Variants in MAF observed in about 807,000 individuals in gnomAD.
MAF encodes MAF bZIP transcription factor.
In MAF, 10 loss-of-function variants were observed where a neutral mutation model predicts 22.0. The observed-to-expected ratio is 0.45, with a 90% CI of 0.28 to 0.77. The LOEUF (loss-of-function observed/expected upper bound fraction) is 0.77, where lower values mean the gene tolerates loss of function less well. Among genes scored for constraint, MAF ranks in the 30% least tolerant of loss-of-function variants. The pLI, the probability that MAF is intolerant of heterozygous loss-of-function variation, is 0.12. For missense variants in MAF, 544 were observed against 548.4 expected, an observed-to-expected ratio of 0.99 and a Z score of 0.08; for synonymous variants, 337 against 255.8, an observed-to-expected ratio of 1.32 and a Z score of -3.03.
chr16:79,212,243 G>C, the MAF span: 3 of 1,339,436 alleles, frequency 2.2e-6, no homozygotes, highest in Non-Finnish European at 3.0e-6. Context: ...TTGCTGCATT[G>C]ATCCAGGAGA....
chr16:79,218,314 G>A, the MAF span, among the ~76,000 whole-genome samples: 1 of 150,426 alleles, frequency 6.6e-6, no homozygotes, highest in African/African-American at 2.5e-5. Flanking sequence ...ATAGGTGATG[G>A]GCCATTATTT....
chr16:79,221,021 G>A, the MAF span, among the ~76,000 whole-genome samples: 13 of 152,306 alleles, frequency 8.5e-5, no homozygotes, highest in East Asian at 1.3e-3. Flanking sequence ...GGCTGAATGC[G>A]GAAAGCAGAA....
At chr16:79,299,256 G>A in the MAF span, among the ~76,000 whole-genome samples, 1 of 151,524 alleles carries the variant, frequency 6.6e-6, no homozygotes, top group East Asian at 1.9e-4. Context: ...CAGGATCCCA[G>A]GAACGCCTAG....
chr16:79,267,764 T>G, the MAF span, among the ~76,000 whole-genome samples: 1 of 152,006 alleles, frequency 6.6e-6, no homozygotes, highest in African/African-American at 2.4e-5. Flanking sequence ...ACACAAAGAG[T>G]GCAGCGTACA....
chr16:79,448,236 C>T, the MAF span, among the ~76,000 whole-genome samples: 3 of 152,078 alleles, frequency 2.0e-5, no homozygotes, highest in Non-Finnish European at 4.4e-5. Flanking sequence ...ACTTCATTGT[C>T]GTCCTATTGT....
At chr16:79,239,092 A>G in the MAF span, among the ~76,000 whole-genome samples, 3 of 152,008 alleles carry the variant, frequency 2.0e-5, no homozygotes, top group African/African-American at 7.2e-5. Flanking sequence ...CTGGCCAAGG[A>G]TTTGTCCATA....
chr16:79,286,326 T>A, the MAF span, among the ~76,000 whole-genome samples: 1 of 152,194 alleles, frequency 6.6e-6, no homozygotes, highest in Admixed American at 6.5e-5. Flanking sequence ...ACAGAAACTA[T>A]GGAACCTTCT....
chr16:79,438,037 C>G, the MAF span, among the ~76,000 whole-genome samples: 1 of 152,114 alleles, frequency 6.6e-6, no homozygotes, highest in Non-Finnish European at 1.5e-5. Context: ...GGCTGGAATG[C>G]CATCCCTTGG....
At chr16:79,389,668 C>G in the MAF span, among the ~76,000 whole-genome samples, 120 of 152,156 alleles carry the variant, frequency 7.9e-4, no homozygotes, top group East Asian at 0.021. Flanking sequence ...ACTTGTCTGT[C>G]ATGTTTGCCA....
chr16:79,394,114 G>C, the MAF span, among the ~76,000 whole-genome samples: 1 of 152,272 alleles, frequency 6.6e-6, no homozygotes, highest in South Asian at 2.1e-4. Flanking sequence ...GTTGCCCATG[G>C]AGTTCTCAGC....
the MAF span, among the ~76,000 whole-genome samples, chr16:79,256,721 T>G: frequency 6.6e-6 from 1 of 152,172 alleles, no homozygotes; most frequent in Non-Finnish European, 1.5e-5. Flanking sequence ...GGCACTCAAT[T>G]GGTACAACTG....
chr16:79,444,207 A>G, the MAF span, among the ~76,000 whole-genome samples: 1 of 152,114 alleles, frequency 6.6e-6, no homozygotes, highest in Admixed American at 6.5e-5. Flanking sequence ...CACACACACA[A>G]ATACAAATAC....
At chr16:79,424,269 A>G in the MAF span, among the ~76,000 whole-genome samples, 1 of 152,228 alleles carries the variant, frequency 6.6e-6, no homozygotes, top group Non-Finnish European at 1.5e-5. Flanking sequence ...TCATGCATTT[A>G]AAAGTTACCA....
chr16:79,503,591 G>C, the MAF span, among the ~76,000 whole-genome samples: 2 of 152,174 alleles, frequency 1.3e-5, no homozygotes, highest in Admixed American at 6.5e-5. Context: ...ATTGTGGCTG[G>C]ATTCTCTGAC....
chr16:79,298,614 C>G, the MAF span, among the ~76,000 whole-genome samples: 1 of 152,180 alleles, frequency 6.6e-6, no homozygotes, highest in Non-Finnish European at 1.5e-5. Context: ...GGGCACTAAA[C>G]AGAAGCCAGC....
chr16:79,558,204 G>T, the MAF span, among the ~76,000 whole-genome samples: 1 of 152,110 alleles, frequency 6.6e-6, no homozygotes, highest in Non-Finnish European at 1.5e-5. Flanking sequence ...GGAAACAGCC[G>T]GAAAGAGTGT....
the MAF span, among the ~76,000 whole-genome samples, chr16:79,551,118 G>A: frequency 6.6e-6 from 1 of 152,054 alleles, no homozygotes; most frequent in African/African-American, 2.4e-5. Flanking sequence ...CTTCCTTGAG[G>A]AACTACTGTA....
the MAF span, among the ~76,000 whole-genome samples, chr16:79,237,859 G>A: frequency 6.6e-6 from 1 of 152,112 alleles, no homozygotes; most frequent in Non-Finnish European, 1.5e-5. Flanking sequence ...GGGGGGCACA[G>A]TCACCCCCTG....
intron 1 of MAF, chr16:79,594,888 G>C (rs1380379750): frequency 1.1e-4 from 134 of 1,202,612 alleles, no homozygotes; most frequent in Non-Finnish European, 1.0e-4. Context: ...GCCCAAACCT[G>C]CTTATTATAT....
Sources: allele counts gnomAD v4.1 joint callset (sites outside exome capture counted in the v4.1 genomes callset), GRCh38; gene constraint gnomAD v4.1.1; transcripts MANE v1.5; gene names NCBI Gene and HGNC (gene_info 2026-07-23, HGNC 2026-07-21).